Variants in PCGF3 observed in about 807,000 individuals in gnomAD.
PCGF3 encodes polycomb group ring finger 3.
PCGF3 carries 7 observed loss-of-function variants against 33.1 expected under a neutral mutation model. The ratio of observed to expected loss-of-function variants is 0.21; its 90% CI spans 0.12 to 0.40. The LOEUF (loss-of-function observed/expected upper bound fraction) is 0.40. Among genes scored for constraint, PCGF3 ranks in the 10% least tolerant of loss-of-function variants. The pLI is 1.00. For missense variants in PCGF3, 211 were observed against 313.3 expected (o/e 0.67, Z 2.46); for synonymous variants, 153 against 121.3 (o/e 1.26, Z -1.72).
intron 6 of PCGF3, among the ~76,000 whole-genome samples, chr4:740,850 G>A (rs896133394): frequency 6.6e-6 from 1 of 152,210 alleles, no homozygotes; most frequent in Non-Finnish European, 1.5e-5. Context: ...GCAGCTGAGT[G>A]TGTGCCAGGA....
At chr4:755,804 A>T (rs1401166588) in intron 8 of PCGF3, among the ~76,000 whole-genome samples, 1 of 151,934 alleles carries the variant, frequency 6.6e-6, no homozygotes, top group Non-Finnish European at 1.5e-5. Context: ...GTGCCAAAAC[A>T]ACAAGGAACT....
chr4:739,778 G>A (rs974069945), intron 6 of PCGF3, among the ~76,000 whole-genome samples: 6 of 152,170 alleles, frequency 3.9e-5, no homozygotes, highest in African/African-American at 7.2e-5. Context: ...GTATGTTCTC[G>A]TCCACCTCAG....
chr4:722,756 A>T (rs148348677), intron 1 of PCGF3, among the ~76,000 whole-genome samples: 2,402 of 16,592 alleles, frequency 0.14, 149 homozygotes, highest in African/African-American at 0.24. Context: ...CACACTCGCG[A>T]CATCGCCATC....
rs561603802 is a variant in PCGF3, at chr4:706,288, C to A, written c.-190+318C>A. On this transcript the variant is annotated intron_variant, in intron 1 of 10. Transcript: ENST00000362003. ...CAAGACCCCAGCCCAGGCAGGACTC[C>A]GGGAGGTCGAAGACCCCAGCCCAGG... is the stretch of plus-strand genomic sequence containing the variant. Among the ~76,000 whole-genome samples the A allele has an allele frequency of 6.2e-3, 858 of 138,202 alleles. 14 individuals are homozygous for A. Among genetic ancestry groups the A allele is most frequent in the African/African-American group, 0.022 (820 of 37,794 alleles). 90.7% of individuals were successfully genotyped at this position (138,202 alleles called of 152,430 possible).
chr4:718,173 T>G (rs576626729), intron 1 of PCGF3, among the ~76,000 whole-genome samples: 2 of 152,208 alleles, frequency 1.3e-5, no homozygotes, highest in South Asian at 4.1e-4. Flanking sequence ...CCCACTGACG[T>G]GCAGCCGTCA....
At chr4:754,218 G>A (rs1417331588) in intron 8 of PCGF3, among the ~76,000 whole-genome samples, 1 of 152,202 alleles carries the variant, frequency 6.6e-6, no homozygotes, top group Non-Finnish European at 1.5e-5. Context: ...TGGGGTCCCT[G>A]CCGCCCTCCA....
rs140650469 is a variant in PCGF3 at position 754,429 on chromosome 4, C to T, written c.463-6850C>T. Among the ~76,000 whole-genome samples the T allele has an allele frequency of 1.1e-4, 17 of 152,308 alleles. No individual in the cohort carries two copies. The South Asian group carries it at 2.9e-3, about 26-fold the overall frequency. On this transcript the variant is annotated intron_variant, in intron 8 of 10. Coordinates refer to ENST00000362003, the Ensembl canonical transcript of PCGF3. ...GCTCTGCCTGCAAGGGCCTCGCAGCCGGCGTGGTGAGGGTTGGCTGGTGGG... is the reference window on the plus strand; with the variant it reads ...GCTCTGCCTGCAAGGGCCTCGCAGCTGGCGTGGTGAGGGTTGGCTGGTGGG...
rs537224750 is a variant in PCGF3, at chr4:743,041, C to T, written c.263-433C>T. Among the ~76,000 whole-genome samples, 27 of 152,328 alleles carry T rather than the reference C, an allele frequency of 1.8e-4. No homozygotes were observed. In the South Asian group the frequency reaches 4.8e-3, roughly 27 times the overall value. On this transcript the variant is annotated intron_variant, in intron 6 of 10. Coordinates refer to ENST00000362003, the Ensembl canonical transcript of PCGF3. ...CAGTGGCAGGTTCATCTCTGAGCTG[C>T]GGGTGTCCAGGCAGTCCACTGGCTC...
At chr4:712,325 A>G (rs1560194477) in intron 1 of PCGF3, among the ~76,000 whole-genome samples, 1 of 152,238 alleles carries the variant, frequency 6.6e-6, no homozygotes, top group Non-Finnish European at 1.5e-5. Context: ...GAGTTAAGCA[A>G]AACTCCCATT....
chr4:727,233 C>CTTTTTGTTTTTTTTTTTTTT (rs1743367529), intron 1 of PCGF3, among the ~76,000 whole-genome samples: 2 of 61,892 alleles, frequency 3.2e-5, no homozygotes, highest in Non-Finnish European at 5.8e-5. Context: ...TAGCGAGCGT[C>CTTTTTGTTTTTTTTTTTTTT]TTTTTTTTTT....
chr4:767,073 C>T (rs928594034), exon 11 of PCGF3: 1 of 152,334 alleles, frequency 6.6e-6, no homozygotes, highest in Admixed American at 6.5e-5. Flanking sequence ...CAAGGCCTCC[C>T]CTTCCCCTTT....
intron 6 of PCGF3, among the ~76,000 whole-genome samples, chr4:743,148 C>T (rs1019561420): frequency 3.9e-5 from 6 of 152,196 alleles, no homozygotes; most frequent in Non-Finnish European, 7.3e-5. Flanking sequence ...GGTGGTTCTG[C>T]GCCATTGGAC....
At chr4:716,557 T>G (rs1742855462) in intron 1 of PCGF3, among the ~76,000 whole-genome samples, 1 of 134,068 alleles carries the variant, frequency 7.5e-6, no homozygotes, top group Non-Finnish European at 1.6e-5. Flanking sequence ...ACACTGCGAG[T>G]GTGAGAACTG....
At chr4:766,173 A>G in exon 11 of PCGF3, 1 of 972,118 alleles carries the variant, frequency 1.0e-6, no homozygotes, top group Non-Finnish European at 1.6e-6. Context: ...TGTCATGTGG[A>G]CCAGACTTCT....
intron 8 of PCGF3, among the ~76,000 whole-genome samples, chr4:749,397 C>T (rs1744410030): frequency 6.6e-6 from 1 of 150,614 alleles, no homozygotes; most frequent in African/African-American, 2.4e-5. Flanking sequence ...CTCTTGACCT[C>T]GGGTGATCCA....
At chr4:761,015 G>A (rs752026278) in intron 8 of PCGF3, among the ~76,000 whole-genome samples, 1 of 152,180 alleles carries the variant, frequency 6.6e-6, no homozygotes, top group Non-Finnish European at 1.5e-5. Flanking sequence ...AGTAACTGTG[G>A]GATTAACTCT....
In PCGF3 at chr4:709,068, T is replaced by A. The variant is rs568176817; in HGVS notation, c.-190+3098T>A. On this transcript the variant is annotated intron_variant, in intron 1 of 10. Coordinates refer to ENST00000362003, the Ensembl canonical transcript of PCGF3. ...GTATTCAGAAGCGAGCGGTCTATGC[T>A]GTCCTTTGACTAGGGAAGGGTTGTC... 4.6e-4 allele frequency among the ~76,000 whole-genome samples: 70 copies of A among 152,336 alleles called. 1 individual carries two copies. The highest frequency in any genetic ancestry group is 6.8e-3 in the Middle Eastern group (2 of 294).
chr4:744,550 G>C, intron 7 of PCGF3, 50 bp from the exon 8 acceptor site: 1 of 1,384,924 alleles, frequency 7.2e-7, no homozygotes, highest in Non-Finnish European at 1.0e-6. Flanking sequence ...TTTTTAAATG[G>C]CTTGACAGTT....
rs544091785 is a variant in PCGF3 at position 722,474 on chromosome 4, T to C, written c.-189-8156T>C. The C allele has an allele frequency of 3.1e-4, 86 of 277,962 alleles. 2 individuals carry two copies. Among genetic ancestry groups the C allele is most frequent in the South Asian group, 2.5e-3 (86 of 34,636 alleles). 17.2% of individuals were successfully genotyped at this position (277,962 alleles called of 1,614,324 possible). A position where few individuals can be genotyped will look rare whatever the true frequency, so the allele number is the denominator to read the frequency against. The stretch of plus-strand genomic sequence containing the variant: ...GGAAGGCATATGTCACACTGAGGCA[T>C]CAGAGACACATCCATTCACGTCGGG... On this transcript the variant is annotated intron_variant, in intron 1 of 10. Transcript: ENST00000362003.
Sources: gnomAD v4.1 joint callset for allele counts (sites outside exome capture counted in the v4.1 genomes callset) on GRCh38, gnomAD v4.1.1 for gene constraint, MANE v1.5 for transcripts, NCBI Gene and HGNC (gene_info 2026-07-23, HGNC 2026-07-21) for gene names.